Variants in TNFAIP8 observed in about 807,000 individuals in gnomAD.
The protein encoded by TNFAIP8 is tumor necrosis factor alpha-induced protein 8.
A neutral mutation model predicts 13.3 loss-of-function variants in TNFAIP8; 7 were observed. That is an observed-to-expected ratio of 0.52 (90% CI 0.30 to 0.99). The LOEUF is 0.99. TNFAIP8 is among the 50% of genes least tolerant of loss of function. The pLI is 0.07. For missense variants in TNFAIP8, 258 were observed against 236.9 expected, an observed-to-expected ratio of 1.09 and a Z score of -0.58; for synonymous variants, 94 against 87.6, an observed-to-expected ratio of 1.07 and a Z score of -0.41.
intron 1 of TNFAIP8, among the ~76,000 whole-genome samples, chr5:119,310,147 G>A (rs564073267): frequency 8.7e-4 from 132 of 152,270 alleles, no homozygotes; most frequent in African/African-American, 3.0e-3. Context: ...GCTACATTGA[G>A]GCTAATTGTA....
At chr5:119,351,022 GT>G (rs1220895190), upstream of TNFAIP8, among the ~76,000 whole-genome samples, 1,843 of 151,340 alleles carry the variant, frequency 0.012, 45 homozygotes, top group African/African-American at 0.043. Context: ...GTGTGTGTGT[GT>G]GTGTGTGTGT....
intron 1 of TNFAIP8, among the ~76,000 whole-genome samples, chr5:119,281,328 A>C (rs566360817): frequency 1.3e-4 from 15 of 114,860 alleles, no homozygotes; most frequent in African/African-American, 4.2e-4. Context: ...TCACACTTAC[A>C]TGCAAACATA....
chr5:119,386,498 C>T (rs1752677875), intron 1 of TNFAIP8, among the ~76,000 whole-genome samples: 1 of 150,452 alleles, frequency 6.6e-6, no homozygotes, highest in East Asian at 2.0e-4. Context: ...TCCTAATACT[C>T]CCGTCAAAAG....
upstream of TNFAIP8, chr5:119,355,576 C>G (rs1471852214): frequency 1.8e-6 from 1 of 565,978 alleles, no homozygotes; most frequent in East Asian, 2.9e-5. Context: ...AAGACAAAGT[C>G]AAATGGGCAT....
chr5:119,363,873 T>G (rs554777857), intron 1 of TNFAIP8, among the ~76,000 whole-genome samples: 14 of 152,306 alleles, frequency 9.2e-5, no homozygotes, highest in African/African-American at 3.4e-4. Flanking sequence ...GGGTATAAAT[T>G]GGGGATTTGC....
At chr5:119,317,391 T>G (rs544175077) in intron 1 of TNFAIP8, among the ~76,000 whole-genome samples, 1 of 152,084 alleles carries the variant, frequency 6.6e-6, no homozygotes, top group African/African-American at 2.4e-5. Flanking sequence ...TATAAGAAAT[T>G]ATATAAGAAA....
At chr5:119,291,560 G>A (rs1031885208) in intron 1 of TNFAIP8, among the ~76,000 whole-genome samples, 3 of 152,210 alleles carry the variant, frequency 2.0e-5, no homozygotes, top group Admixed American at 2.0e-4. Context: ...CTTATTTTGC[G>A]TAAGTTAAAC....
intron 1 of TNFAIP8, among the ~76,000 whole-genome samples, chr5:119,303,281 C>T (rs928196251): frequency 2.6e-5 from 4 of 152,172 alleles, no homozygotes; most frequent in African/African-American, 9.7e-5. Context: ...AAGTGTATGT[C>T]ATCTAGAAAA....
At chr5:119,293,579 C>T (rs886452236) in intron 1 of TNFAIP8, among the ~76,000 whole-genome samples, 3 of 152,174 alleles carry the variant, frequency 2.0e-5, no homozygotes, top group African/African-American at 7.2e-5. Context: ...TATATTGTCA[C>T]TATTTATTCC....
At chr5:119,277,675 T>C (rs1748500183) in intron 1 of TNFAIP8, among the ~76,000 whole-genome samples, 1 of 152,230 alleles carries the variant, frequency 6.6e-6, no homozygotes, top group South Asian at 2.1e-4. Context: ...TTGGTGTTTC[T>C]TAGTCTGTTT....
rs2112883475 is a variant in TNFAIP8, at chr5:119,398,382, T to A, written c.*5001T>A. The A allele has an allele frequency of 6.6e-6, 1 of 152,300 alleles. No individual in the cohort carries two copies. The highest frequency in any genetic ancestry group is 2.1e-4 in the South Asian group (1 of 4,824). 9.4% of individuals were successfully genotyped at this position (152,300 alleles called of 1,614,324 possible). A position where few individuals can be genotyped will look rare whatever the true frequency, so the allele number is the denominator to read the frequency against. The stretch of plus-strand genomic sequence containing the variant: ...ATTCAAAAGCTTACAGATGAATTCA[T>A]TCGTTTAAAACTGCCAGGCTGAGTG... On this transcript the variant is annotated 3_prime_UTR_variant, in exon 2 of 2. Coordinates refer to ENST00000504771, the MANE Select transcript of TNFAIP8 (RefSeq NM_014350.4).
At position 119,327,656 on chromosome 5, in the gene TNFAIP8, ACCATGTTGG is replaced by A. The variant is rs1336568857; in HGVS notation, c.1+58753_1+58761del. Among the ~76,000 whole-genome samples the A allele has an allele frequency of 6.6e-5, 10 of 152,182 alleles. No homozygotes were observed. In the South Asian group the frequency reaches 2.1e-3, roughly 32 times the overall value. On this transcript the variant is annotated intron_variant, in intron 1 of 1. Transcript: ENST00000274456. ...GTATTTTTAGTAGATACGGGGTTTC[ACCATGTTGG>A]CCAGGCTGGTCTCGAACTCCTGACC...
chr5:119,325,268 A>T (rs564956040), intron 1 of TNFAIP8, among the ~76,000 whole-genome samples: 1 of 152,232 alleles, frequency 6.6e-6, no homozygotes, highest in South Asian at 2.1e-4. Flanking sequence ...AAGTGGTTCA[A>T]AGGGCCTGTG....
At chr5:119,341,806 A>G (rs922279032) in intron 1 of TNFAIP8, among the ~76,000 whole-genome samples, 6 of 152,228 alleles carry the variant, frequency 3.9e-5, no homozygotes, top group Non-Finnish European at 8.8e-5. Flanking sequence ...CATTTAAAAA[A>G]ATTTGCATCA....
intron 1 of TNFAIP8, among the ~76,000 whole-genome samples, chr5:119,274,890 C>T (rs903980646): frequency 8.5e-5 from 13 of 152,286 alleles, no homozygotes; most frequent in Admixed American, 2.6e-4. Context: ...AAGTCAGAAT[C>T]ACCAGTGAAG....
intron 1 of TNFAIP8, among the ~76,000 whole-genome samples, chr5:119,375,848 CAAAG>C (rs1398013100): frequency 6.6e-6 from 1 of 152,042 alleles, no homozygotes; most frequent in Admixed American, 6.6e-5. Context: ...AGCAAACTAG[CAAAG>C]AAAGGTAGAG....
chr5:119,308,968 C>A (rs1052118312), intron 1 of TNFAIP8, among the ~76,000 whole-genome samples: 1 of 152,138 alleles, frequency 6.6e-6, no homozygotes, highest in African/African-American at 2.4e-5. Context: ...CTATCATAGC[C>A]TGGTAAAAAG....
chr5:119,383,045 C>T (rs1184993192), intron 1 of TNFAIP8, among the ~76,000 whole-genome samples: 5 of 152,222 alleles, frequency 3.3e-5, no homozygotes, highest in African/African-American at 1.2e-4. Flanking sequence ...TTTTGTGCAT[C>T]TCCAAAGGGG....
chr5:119,356,115 A>G lies in TNFAIP8; in HGVS notation c.25A>G (p.Lys9Glu), dbSNP rs1229361407. The G allele has an allele frequency of 1.9e-6, 3 of 1,585,880 alleles. No individual in the cohort carries two copies. The highest frequency in any genetic ancestry group is 2.6e-6 in the Non-Finnish European group (3 of 1,163,910). The change falls in exon 1 of 2, where the codon AAG becomes GAG. Residue 9 changes from lysine (K) to glutamate (E), a missense_variant. Transcript: ENST00000504771. ...TATGCACTCCGAAGCAGAAGAATCC[A>G]AGGAAGGTAGGATTCTGGTTTCTCC... MHSEAEES[K>E]EVATDVFNSK... is the part of the protein sequence containing the mutation.
Sources: gnomAD v4.1 joint callset for allele counts (sites outside exome capture counted in the v4.1 genomes callset) on GRCh38, gnomAD v4.1.1 for gene constraint, MANE v1.5 for transcripts, NCBI Gene and HGNC (gene_info 2026-07-23, HGNC 2026-07-21) for gene names.